The following PLCL1 variants were observed in gnomAD, a reference collection of about 807,000 sequenced individuals.
PLCL1 encodes phospholipase C like 1 (inactive).
A neutral mutation model predicts 84.4 loss-of-function variants in PLCL1; 41 were observed. The observed-to-expected ratio is 0.49, with a 90% confidence interval of 0.38 to 0.63. The LOEUF (loss-of-function observed/expected upper bound fraction) is 0.63. PLCL1 is among the 30% of genes least tolerant of loss of function. PLCL1 has a pLI of 0.00. For synonymous variants in PLCL1, 490 were observed against 488.3 expected, an observed-to-expected ratio of 1.00 and a Z score of -0.05; for missense variants, 1,206 against 1,367.8, an observed-to-expected ratio of 0.88 and a Z score of 1.87.
intron 1 of PLCL1, among the ~76,000 whole-genome samples, chr2:197,882,962 C>T (rs1198818829): frequency 6.6e-6 from 1 of 152,136 alleles, no homozygotes; most frequent in Non-Finnish European, 1.5e-5. Context: ...ATATGTTGCA[C>T]TATTCCATTT....
At chr2:197,814,444 A>C (rs558963238) in intron 1 of PLCL1, among the ~76,000 whole-genome samples, 1 of 152,218 alleles carries the variant, frequency 6.6e-6, no homozygotes, top group South Asian at 2.1e-4. Flanking sequence ...GTGTGTTCTG[A>C]CTGCTCCACT....
intron 5 of PLCL1, among the ~76,000 whole-genome samples, chr2:198,131,976 C>T (rs530523679): frequency 6.6e-6 from 1 of 152,274 alleles, no homozygotes; most frequent in East Asian, 1.9e-4. Flanking sequence ...TTATCTTTTC[C>T]TTTTCCATTT....
At chr2:197,939,971 G>A (rs755759789) in intron 1 of PLCL1, among the ~76,000 whole-genome samples, 4 of 152,116 alleles carry the variant, frequency 2.6e-5, no homozygotes, top group African/African-American at 7.2e-5. Context: ...GATTTGATCC[G>A]TGTGGGGTGG....
rs114869661 is a variant in PLCL1 at position 197,822,909 on chromosome 2, G to A, written c.240+17570G>A. On this transcript the variant is annotated intron_variant, in intron 1 of 5. Coordinates refer to ENST00000428675, the MANE Select transcript of PLCL1 (RefSeq NM_006226.4). ...AGTTGTCTTTATATTAAGACACTAT[G>A]CTCCTGAATTTGAGAGGATATGATG... 6.8e-3 allele frequency among the ~76,000 whole-genome samples: 1,030 copies of A among 152,216 alleles called. 12 individuals are homozygous for A. Among genetic ancestry groups the A allele is most frequent in the African/African-American group, 0.024 (988 of 41,534 alleles).
intron 1 of PLCL1, among the ~76,000 whole-genome samples, chr2:197,999,607 T>C (rs1270895727): frequency 1.3e-5 from 2 of 152,196 alleles, no homozygotes; most frequent in African/African-American, 2.4e-5. Flanking sequence ...ATGATTTCAA[T>C]TCTACAGAAT....
chr2:197,950,573 A>G (rs888704610), intron 1 of PLCL1, among the ~76,000 whole-genome samples: 1 of 152,190 alleles, frequency 6.6e-6, no homozygotes, highest in African/African-American at 2.4e-5. Flanking sequence ...AAGATTCACT[A>G]GTAGCCGTAT....
At chr2:197,920,222 G>C (rs762765766) in intron 1 of PLCL1, among the ~76,000 whole-genome samples, 23 of 151,974 alleles carry the variant, frequency 1.5e-4, no homozygotes, top group Non-Finnish European at 1.3e-4. Context: ...CTGCAGGGGA[G>C]AGTGAAAGGG....
chr2:198,024,660 G>C (rs975858221), intron 1 of PLCL1, among the ~76,000 whole-genome samples: 1 of 151,916 alleles, frequency 6.6e-6, no homozygotes, highest in Non-Finnish European at 1.5e-5. Flanking sequence ...CTACTCCAGA[G>C]GCTAAGGCAA....
intron 1 of PLCL1, among the ~76,000 whole-genome samples, chr2:197,844,099 A>AT: frequency 6.6e-6 from 1 of 152,252 alleles, no homozygotes; most frequent in South Asian, 2.1e-4. Context: ...GGACATTACT[A>AT]TTTTTTATTT....
intron 5 of PLCL1, among the ~76,000 whole-genome samples, chr2:198,118,622 A>G (rs533831150): frequency 3.3e-4 from 50 of 152,102 alleles, no homozygotes; most frequent in Non-Finnish European, 6.0e-4. Flanking sequence ...TTGATTAGAC[A>G]TTTCTATACC....
At chr2:197,932,596 G>A (rs1344880572) in intron 1 of PLCL1, among the ~76,000 whole-genome samples, 2 of 152,022 alleles carry the variant, frequency 1.3e-5, no homozygotes, top group Non-Finnish European at 2.9e-5. Flanking sequence ...TTCAGCTTCC[G>A]CTTATAAGTG....
chr2:197,852,974 C>T (rs990732829), intron 1 of PLCL1, among the ~76,000 whole-genome samples: 4 of 152,152 alleles, frequency 2.6e-5, no homozygotes, highest in Non-Finnish European at 4.4e-5. Flanking sequence ...AGAACTTTTT[C>T]ATCTTCCCCA....
chr2:198,101,966 C>A (rs1276691769), intron 4 of PLCL1, among the ~76,000 whole-genome samples: 1 of 152,040 alleles, frequency 6.6e-6, no homozygotes, highest in Non-Finnish European at 1.5e-5. Context: ...CTGCTTGATA[C>A]ATTGCATATG....
At chr2:197,924,243 G>A (rs1688790544) in intron 1 of PLCL1, among the ~76,000 whole-genome samples, 3 of 151,866 alleles carry the variant, frequency 2.0e-5, no homozygotes, top group Non-Finnish European at 2.9e-5. Context: ...CCTAGCCGTA[G>A]GCCTGATCTT....
chr2:198,144,560 A>G (rs1369543079), intron 5 of PLCL1, among the ~76,000 whole-genome samples: 1 of 152,182 alleles, frequency 6.6e-6, no homozygotes, highest in Non-Finnish European at 1.5e-5. Context: ...ACTTATGATC[A>G]TTTAAATCAT....
In PLCL1 at chr2:198,084,612, G is replaced by C. The variant is rs745856663; in HGVS notation, c.1095G>C (p.Glu365Asp). The change falls in exon 2 of 6, where the codon GAG (glutamate) becomes GAC (aspartate). Residue 365 changes from glutamate (E) to aspartate (D), a missense_variant. Coordinates refer to ENST00000428675, the MANE Select transcript of PLCL1 (RefSeq NM_006226.4). ...TAAGGAGATACGAACTTTCTGAAGA[G>C]GGACGTCAAAAAGGGTTTCTTGCAA... is the stretch of plus-strand genomic sequence containing the variant. Reference protein sequence around the residue: ...DIIRRYELSEEGRQKGFLAID... With the variant: ...DIIRRYELSEDGRQKGFLAID... The C allele has an allele frequency of 6.2e-7, 1 of 1,614,012 alleles. No homozygotes were observed.
intron 1 of PLCL1, among the ~76,000 whole-genome samples, chr2:198,010,713 G>A (rs1690848581): frequency 6.6e-6 from 1 of 151,590 alleles, no homozygotes; most frequent in South Asian, 2.1e-4. Flanking sequence ...CAGAATTTGA[G>A]GAGGATTGGT....
chr2:197,975,635 C>CG (rs937909427), intron 1 of PLCL1, among the ~76,000 whole-genome samples: 1 of 152,022 alleles, frequency 6.6e-6, no homozygotes. Flanking sequence ...GAGACCCCCC[C>CG]ATCTCTAAAA....
chr2:197,987,864 C>T (rs993887002), intron 1 of PLCL1, among the ~76,000 whole-genome samples: 12 of 152,090 alleles, frequency 7.9e-5, no homozygotes, highest in Non-Finnish European at 1.6e-4. Flanking sequence ...GTTTTGAAAA[C>T]ATGGGTCACT....
Sources: gnomAD v4.1 joint callset for allele counts (sites outside exome capture counted in the v4.1 genomes callset) on GRCh38, gnomAD v4.1.1 for gene constraint, MANE v1.5 for transcripts, NCBI Gene and HGNC (gene_info 2026-07-23, HGNC 2026-07-21) for gene names.